MAN1B1: variants seen among roughly 807,000 people sequenced by gnomAD.
MAN1B1 encodes the protein endoplasmic reticulum mannosyl-oligosaccharide 1,2-alpha-mannosidase.
In MAN1B1, 66 loss-of-function variants were observed where a neutral mutation model predicts 75.5. The observed-to-expected ratio is 0.87, with a 90% CI of 0.72 to 1.07. The LOEUF is 1.07. Ranked by LOEUF, MAN1B1 falls within the 50% of genes least tolerant of loss-of-function variation. The pLI is 0.00. For missense variants in MAN1B1, 973 were observed against 912.5 expected (o/e 1.07, Z -0.85); for synonymous variants, 453 against 382.8 (o/e 1.18, Z -2.14).
chr9:137,097,883 G>A lies in MAN1B1; in HGVS notation c.676G>A (p.Ala226Thr). ...EQGTELPSRR[A>T]EVPTKPPLPP... ...GGGCACCGAGCTCCCTTCAAGAAGA[G>A]CAGAAGTGCCCACCAAGCCTCCCCT... Residue 226 changes from alanine (A) to threonine (T), a missense_variant, in exon 5 of 13, where the codon GCA (alanine) becomes ACA (threonine). Physicochemically the swap from Ala to Thr is moderately conservative, Grantham distance 58 (BLOSUM62 0). Transcript: ENST00000371589. The A allele has an allele frequency of 6.4e-7, 1 of 1,561,118 alleles. No individual in the cohort carries two copies. Among genetic ancestry groups the A allele is most frequent in the African/African-American group, 1.4e-5 (1 of 73,630 alleles).
intron 10 of MAN1B1, 148 bp from the exon 11 acceptor site, chr9:137,107,102 G>A (rs764154829): frequency 2.6e-5 from 23 of 875,150 alleles, no homozygotes; most frequent in African/African-American, 1.0e-4. Flanking sequence ...AGGCAGCTCC[G>A]CTGTTCCATG....
Position 137,096,326 on chromosome 9 carries a change from C to T in MAN1B1, c.555C>T (p.Ala185=). 6.2e-7 allele frequency: 1 copy of T among 1,613,994 alleles called. No individual in the cohort carries two copies. Among genetic ancestry groups the T allele is most frequent in the Non-Finnish European group, 8.5e-7 (1 of 1,180,036 alleles). ...QDLKDGTQEE[A]TKRQEAPVDP... ...TGAAGGATGGGACCCAGGAGGAGGC[C>T]ACAAAAAGGCAAGAAGCCCCTGTGG... The change falls in exon 4 of 13, where the codon GCC becomes GCT. Residue 185 remains alanine (A), a synonymous_variant. Transcript: ENST00000371589.
intron 2 of MAN1B1, 53 bp downstream of exon 2, chr9:137,088,236 G>A (rs1441799540): frequency 3.1e-6 from 5 of 1,613,730 alleles, no homozygotes; most frequent in Non-Finnish European, 4.2e-6. Flanking sequence ...GGTTGATTGG[G>A]CAGAAGCAAT....
At chr9:137,104,241 G>T (rs4880207) in intron 8 of MAN1B1, 234,976 of 347,476 alleles carry the variant, frequency 0.68, 72,567 homozygotes, top group African/African-American at 0.85. Context: ...TCCTTTTTTT[G>T]TTTTCGTTTG....
chr9:137,103,874 T>C (rs1830995412), intron 8 of MAN1B1: 4 of 454,282 alleles, frequency 8.8e-6, no homozygotes, highest in Non-Finnish European at 1.8e-5. Flanking sequence ...TGCAGGTCAG[T>C]GGTGTTACAC....
intron 3 of MAN1B1, among the ~76,000 whole-genome samples, chr9:137,089,529 G>T (rs1382671486): frequency 6.6e-6 from 1 of 152,194 alleles, no homozygotes; most frequent in Non-Finnish European, 1.5e-5. Context: ...TATGCGGGAA[G>T]GTGAAATTCC....
Position 137,087,092 on chromosome 9 carries a change from C to A in MAN1B1, c.93C>A (p.Val31=), listed in dbSNP as rs1830389619. 3 of 1,598,972 alleles carry A rather than the reference C, an allele frequency of 1.9e-6. No individual in the cohort carries two copies. The highest frequency in any genetic ancestry group is 2.6e-6 in the Non-Finnish European group (3 of 1,174,760). Residue 31 remains valine, a synonymous_variant, in exon 1 of 13, where the codon GTC becomes GTA. Coordinates refer to ENST00000371589, the MANE Select transcript of MAN1B1 (RefSeq NM_016219.5). ...CAGTGGGCGGGGCCCCTTGGGCCGT[C>A]GCCACCACTGTAGTCATGTACCCAC... ...TPPVGGAPWA[V]ATTVVMYPPP...
intron 1 of MAN1B1, chr9:137,087,517 C>T: frequency 4.8e-6 from 3 of 619,050 alleles, no homozygotes; most frequent in Middle Eastern, 2.5e-4. Context: ...CAGGCGCCTG[C>T]CCCTCTTGGA....
chr9:137,094,557 T>C (rs137907242), intron 3 of MAN1B1: 350 of 179,980 alleles, frequency 1.9e-3, no homozygotes, highest in African/African-American at 7.9e-3. Context: ...CTGAGCAACA[T>C]AGTGAGACCC....
intron 2 of MAN1B1, chr9:137,088,648 A>C (rs1056595966): frequency 4.3e-6 from 3 of 702,286 alleles, no homozygotes; most frequent in Non-Finnish European, 4.7e-6. Flanking sequence ...ATAGGAAGGC[A>C]AAAGATGTGG....
At chr9:137,107,198 A>G in intron 10 of MAN1B1, 52 bp from the exon 11 acceptor site, 1 of 1,582,696 alleles carries the variant, frequency 6.3e-7, no homozygotes, top group Non-Finnish European at 8.6e-7. Context: ...GTGCAGCTGC[A>G]GGCTGAGGGC....
chr9:137,087,082 CT>C lies in MAN1B1; in HGVS notation c.85del (p.Trp29GlyfsTer7). 1 of 1,600,832 alleles carries C rather than the reference CT, an allele frequency of 6.2e-7. No individual in the cohort carries two copies. The highest frequency in any genetic ancestry group is 8.5e-7 in the Non-Finnish European group (1 of 1,175,590). On this transcript the variant is annotated frameshift_variant, in exon 1 of 13. Coordinates refer to ENST00000371589, the MANE Select transcript of MAN1B1 (RefSeq NM_016219.5). LOFTEE classifies it high-confidence loss of function. ...DFLTPPVGGAPWAVATTVVMY... is the reference protein window; with the variant it reads ...DFLTPPVGGAXWAVATTVVMY... ...CTGACGCCGCCAGTGGGCGGGGCCC[CT>C]TGGGCCGTCGCCACCACTGTAGTCA...
rs1272608675 is a variant in MAN1B1, at chr9:137,101,100, G to C, written c.1012G>C (p.Gly338Arg). ...LFESTIRILG[G>R]LLSAYHLSGD... ...TGAGAGCACGATCCGCATCCTGGGG[G>C]GGCTCCTGAGTGCCTACCACCTGTC... Residue 338 changes from glycine (G) to arginine (R), a missense_variant, in exon 7 of 13, where the codon GGG (glycine) becomes CGG (arginine). Physicochemically the swap from Gly to Arg is moderately radical, Grantham distance 125 (BLOSUM62 -2). Transcript: ENST00000371589. 2 of 1,614,038 alleles carry C rather than the reference G, an allele frequency of 1.2e-6. No homozygotes were observed. Among genetic ancestry groups the C allele is most frequent in the Non-Finnish European group, 1.7e-6 (2 of 1,180,046 alleles).
At chr9:137,094,366 A>AGCT in intron 3 of MAN1B1, 1 of 494,746 alleles carries the variant, frequency 2.0e-6, no homozygotes, top group South Asian at 1.5e-5. Context: ...TAATTCTAAT[A>AGCT]GTTTGTTCCG....
intron 3 of MAN1B1, among the ~76,000 whole-genome samples, chr9:137,092,446 G>C (rs1439168287): frequency 6.6e-6 from 1 of 152,138 alleles, no homozygotes; most frequent in Non-Finnish European, 1.5e-5. Flanking sequence ...GTAATTGAGG[G>C]TTAGGGGCTG....
chr9:137,109,123 C>T lies in MAN1B1; in HGVS notation c.*532C>T. 2.2e-6 allele frequency: 1 copy of T among 454,990 alleles called. No homozygotes were observed. The highest frequency in any genetic ancestry group is 4.4e-6 in the Non-Finnish European group (1 of 227,108). The allele number at this position is 454,990 out of a possible 1,614,324, so 28.2% of individuals were successfully genotyped here. A position where few individuals can be genotyped will look rare whatever the true frequency, so the allele number is the denominator to read the frequency against. ...AGGGCTGGACGGCAAGTCCGTCTAG[C>T]TCACGGGCCCCTCCAGTGGAATGGG... On this transcript the variant is annotated 3_prime_UTR_variant, in exon 13 of 13. Transcript: ENST00000371589.
At chr9:137,098,082 C>T in intron 5 of MAN1B1, 145 bp downstream of exon 5, 1 of 660,660 alleles carries the variant, frequency 1.5e-6, no homozygotes, top group East Asian at 2.8e-5. Context: ...TCTGAGTCCT[C>T]ACAGGCTCTG....
intron 2 of MAN1B1, chr9:137,088,478 A>G: frequency 1.4e-6 from 2 of 1,450,192 alleles, no homozygotes; most frequent in Non-Finnish European, 1.9e-6. Context: ...TAACCACACA[A>G]ATTTCGTAGC....
In MAN1B1 at chr9:137,088,164, C is replaced by T; in HGVS notation, c.309C>T (p.Asn103=). The T allele has an allele frequency of 9.3e-6, 15 of 1,614,178 alleles. No individual in the cohort carries two copies. Among genetic ancestry groups the T allele is most frequent in the Non-Finnish European group, 1.3e-5 (15 of 1,180,024 alleles). The part of the protein sequence containing the change: ...LLFCGLLFYI[N]LADHWKALAF... ...TCTGTGGACTCCTCTTCTACATCAACTTGGCTGACCATTGGAAAGGTATCA... is the reference window on the plus strand; with the variant it reads ...TCTGTGGACTCCTCTTCTACATCAATTTGGCTGACCATTGGAAAGGTATCA... Residue 103 remains asparagine (N), a synonymous_variant, in exon 2 of 13, where the codon AAC becomes AAT. Transcript: ENST00000371589.
Sources: gnomAD v4.1 joint callset for allele counts (sites outside exome capture counted in the v4.1 genomes callset) on GRCh38, gnomAD v4.1.1 for gene constraint, MANE v1.5 for transcripts, NCBI Gene and HGNC (gene_info 2026-07-23, HGNC 2026-07-21) for gene names.